DLGAP2: variants seen among roughly 807,000 people sequenced by gnomAD.
DLGAP2 encodes disks large-associated protein 2.
Under a neutral mutation model 100.3 loss-of-function variants are expected in DLGAP2, and 26 were observed. The observed-to-expected ratio is 0.26, with a 90% CI of 0.19 to 0.36. The LOEUF (loss-of-function observed/expected upper bound fraction) is 0.36. Among genes scored for constraint, DLGAP2 ranks in the 10% least tolerant of loss-of-function variants. DLGAP2 has a pLI of 1.00. For synonymous variants in DLGAP2, 886 were observed against 630.1 expected (o/e 1.41, Z -6.08); for missense variants, 1,858 against 1,453.2 (o/e 1.28, Z -4.53).
chr8:1,674,445 A>G (rs1296989093), intron 10 of DLGAP2, among the ~76,000 whole-genome samples: 1 of 152,198 alleles, frequency 6.6e-6, no homozygotes, highest in Non-Finnish European at 1.5e-5. Context: ...CCCAGGTGCT[A>G]CTTTATAAAT....
intron 2 of DLGAP2, among the ~76,000 whole-genome samples, chr8:1,193,852 G>C (rs553366795): frequency 6.6e-6 from 1 of 151,740 alleles, no homozygotes; most frequent in Non-Finnish European, 1.5e-5. Flanking sequence ...AGATCCCAGC[G>C]TCGGCCTCTA....
chr8:1,235,252 C>T (rs549077642), intron 2 of DLGAP2, among the ~76,000 whole-genome samples: 5 of 125,630 alleles, frequency 4.0e-5, no homozygotes, highest in Admixed American at 1.5e-4. Flanking sequence ...TCACACATGG[C>T]GTCGTGTCTA....
intron 4 of DLGAP2, among the ~76,000 whole-genome samples, chr8:1,547,325 C>G (rs1425372832): frequency 6.6e-6 from 1 of 152,090 alleles, no homozygotes. Flanking sequence ...GGGTGACAGG[C>G]TGAGAAGAAC....
At chr8:763,362 G>C (rs1369389668) in intron 1 of DLGAP2, among the ~76,000 whole-genome samples, 1 of 152,246 alleles carries the variant, frequency 6.6e-6, no homozygotes, top group South Asian at 2.1e-4. Context: ...TCAAGATAAA[G>C]AGCCCTCCAT....
intron 2 of DLGAP2, among the ~76,000 whole-genome samples, chr8:1,238,727 C>G (rs1413187836): frequency 3.1e-5 from 3 of 97,328 alleles, no homozygotes; most frequent in Admixed American, 9.8e-5. Flanking sequence ...GTCTAGTTCT[C>G]TCACATGGCG....
intron 2 of DLGAP2, among the ~76,000 whole-genome samples, chr8:941,247 G>C (rs1446314168): frequency 6.6e-6 from 1 of 152,108 alleles, no homozygotes; most frequent in Non-Finnish European, 1.5e-5. Flanking sequence ...ATGCTGTCTG[G>C]TTTTAGCATA....
intron 3 of DLGAP2, among the ~76,000 whole-genome samples, chr8:1,493,116 C>T (rs146755651): frequency 5.3e-5 from 8 of 152,322 alleles, no homozygotes; most frequent in Non-Finnish European, 7.4e-5. Flanking sequence ...CGAGCTCAAG[C>T]TGTGCAGGTA....
rs1029455478 is a variant in DLGAP2, at chr8:1,632,982, A to G, written c.1746A>G (p.Gln582=). 1.9e-6 allele frequency: 3 copies of G among 1,613,870 alleles called. No individual in the cohort carries two copies. Among genetic ancestry groups the G allele is most frequent in the Non-Finnish European group, 1.7e-6 (2 of 1,179,888 alleles). ...YLRAIQAGYS[Q]DDECIPMMTP... ...GAGCCATTCAAGCCGGCTACTCCCA[A>G]GATGACGAATGTATTCCCATGATGA... Residue 582 remains glutamine (Q), a synonymous_variant, in exon 8 of 15, where the codon CAA becomes CAG. Transcript: ENST00000637795.
At chr8:1,466,092 T>G (rs1465938044) in intron 3 of DLGAP2, among the ~76,000 whole-genome samples, 1 of 152,124 alleles carries the variant, frequency 6.6e-6, no homozygotes, top group Non-Finnish European at 1.5e-5. Context: ...CTGACATACT[T>G]TGCATTTTGA....
rs1334080776 is a variant in DLGAP2, at chr8:1,287,810, G to C, written c.106+28927G>C. 3.3e-4 allele frequency among the ~76,000 whole-genome samples: 42 copies of C among 128,228 alleles called. 4 individuals are homozygous for C. Among genetic ancestry groups the C allele is most frequent in the Non-Finnish European group, 5.7e-4 (35 of 61,318 alleles). The allele number at this position is 128,228 out of a possible 152,430, so 84.1% of individuals were successfully genotyped here. ...GTGTATGTGTGTGTGGTTCTGTTAG[G>C]ACGGGAACTAGTTTTGGTTCAGCGT... On this transcript the variant is annotated intron_variant, in intron 3 of 14. Coordinates refer to ENST00000637795, the MANE Select transcript of DLGAP2 (RefSeq NM_001346810.2).
At chr8:1,522,759 C>T (rs1220766950) in intron 4 of DLGAP2, among the ~76,000 whole-genome samples, 1 of 152,180 alleles carries the variant, frequency 6.6e-6, no homozygotes, top group Non-Finnish European at 1.5e-5. Context: ...AAATTACACG[C>T]GCCAAGTGGT....
At chr8:1,453,937 C>G (rs12550754) in intron 3 of DLGAP2, among the ~76,000 whole-genome samples, 40 of 152,228 alleles carry the variant, frequency 2.6e-4, no homozygotes, top group Non-Finnish European at 4.0e-4. Context: ...GGAATGTGGA[C>G]ATGTGCACAG....
At chr8:1,349,815 C>G (rs1466236186) in intron 3 of DLGAP2, among the ~76,000 whole-genome samples, 3 of 152,228 alleles carry the variant, frequency 2.0e-5, no homozygotes, top group Non-Finnish European at 2.9e-5. Context: ...CATCAGACAC[C>G]TTGAATTGCT....
chr8:1,068,666 G>A (rs1032986456), intron 2 of DLGAP2, among the ~76,000 whole-genome samples: 3 of 152,066 alleles, frequency 2.0e-5, no homozygotes, highest in African/African-American at 7.3e-5. Context: ...GGAGGGAAGT[G>A]CTGCACAGCA....
intron 3 of DLGAP2, among the ~76,000 whole-genome samples, chr8:1,325,267 T>G (rs752376508): frequency 1.3e-5 from 2 of 152,192 alleles, no homozygotes; most frequent in African/African-American, 4.8e-5. Context: ...AGATGTCCGA[T>G]GGTCTCACCA....
intron 2 of DLGAP2, among the ~76,000 whole-genome samples, chr8:1,065,248 G>A (rs1189526249): frequency 5.3e-5 from 8 of 152,318 alleles, no homozygotes; most frequent in Admixed American, 5.2e-4. Flanking sequence ...GCCATTGCCA[G>A]GAATTTGATT....
chr8:1,605,540 A>G (rs1351591100), intron 6 of DLGAP2, among the ~76,000 whole-genome samples: 1 of 152,170 alleles, frequency 6.6e-6, no homozygotes, highest in African/African-American at 2.4e-5. Flanking sequence ...AACGTGCTAC[A>G]TTCTTGTGGG....
intron 4 of DLGAP2, among the ~76,000 whole-genome samples, chr8:1,519,363 T>C (rs936450616): frequency 3.3e-5 from 5 of 152,196 alleles, no homozygotes; most frequent in Admixed American, 2.6e-4. Context: ...TAGCTCCAGG[T>C]TCACTGACTG....
rs111920761 is a variant in DLGAP2 at position 994,769 on chromosome 8, T to G, written c.73+86803T>G. On this transcript the variant is annotated intron_variant, in intron 2 of 14. Transcript: ENST00000637795. Reference sequence around the variant, plus strand: ...TAGTTACAGGTCAGACCTGCTCCCTTGCTGGCAATGAAGCAAGTCCCCAAA... The same window carrying G: ...TAGTTACAGGTCAGACCTGCTCCCTGGCTGGCAATGAAGCAAGTCCCCAAA... Among the ~76,000 whole-genome samples, 748 of 152,298 alleles carry G rather than the reference T, an allele frequency of 4.9e-3. 6 individuals are homozygous for G. The highest frequency in any genetic ancestry group is 0.017 in the African/African-American group (710 of 41,554).
Sources: allele counts gnomAD v4.1 joint callset (sites outside exome capture counted in the v4.1 genomes callset), GRCh38; gene constraint gnomAD v4.1.1; transcripts MANE v1.5; gene names NCBI Gene and HGNC (gene_info 2026-07-23, HGNC 2026-07-21).